Variants in SGSM3 observed in about 807,000 individuals in gnomAD.
The protein encoded by SGSM3 is RUN and SH3 containing 3.
In SGSM3, 96 loss-of-function variants were observed where a neutral mutation model predicts 100.5. That is an observed-to-expected ratio of 0.96 (90% CI 0.81 to 1.13). The LOEUF is 1.13. Among genes scored for constraint, SGSM3 ranks in the 50% most tolerant of loss-of-function variants. The pLI, the probability that SGSM3 is intolerant of heterozygous loss-of-function variation, is 0.00. For synonymous variants in SGSM3, 483 were observed against 422.8 expected, an observed-to-expected ratio of 1.14 and a Z score of -1.75; for missense variants, 1,001 against 1,015.8, an observed-to-expected ratio of 0.99 and a Z score of 0.20.
chr22:40,375,591 AAAG>A (rs1159402399), intron 1 of SGSM3, among the ~76,000 whole-genome samples: 1 of 152,038 alleles, frequency 6.6e-6, no homozygotes, highest in African/African-American at 2.4e-5. Context: ...AAAAAAAAAA[AAAG>A]AGATTGACAC....
chr22:40,407,982 C>G lies in SGSM3; in HGVS notation c.1580-89C>G. 1 of 1,494,752 alleles carries G rather than the reference C, an allele frequency of 6.7e-7. No individual in the cohort carries two copies. The highest frequency in any genetic ancestry group is 9.2e-7 in the Non-Finnish European group (1 of 1,089,574). The allele number at this position is 1,494,752 out of a possible 1,614,324, so 92.6% of individuals were successfully genotyped here. ...GAGGTCCCTGAAGCAGCTGAGCCGG[C>G]TTCCCACTGCCTCAGCCTGCCTGCA... On this transcript the variant is annotated intron_variant, in intron 14 of 21. Transcript: ENST00000248929. This position sits in a 1 kb window ranked among gnomAD's most constrained non-coding sequence, Gnocchi z 4.7.
chr22:40,380,421 C>T, intron 1 of SGSM3, among the ~76,000 whole-genome samples: 1 of 147,272 alleles, frequency 6.8e-6, no homozygotes. Context: ...GGCTGGAGTG[C>T]AGTGGCACTA....
chr22:40,401,729 G>C (rs2050787137), intron 3 of SGSM3, 54 bp downstream of exon 3: 1 of 1,495,656 alleles, frequency 6.7e-7, no homozygotes, highest in South Asian at 1.1e-5. Context: ...GTGGTATGAA[G>C]GGGACCCAGC....
In SGSM3 at chr22:40,398,990, C is replaced by CT. The variant is rs554010528; in HGVS notation, c.-111-1695dup. ...TAGGATTGGACTGGAGATGTCTTTA[C>CT]TTTTTTTTTTTGAGACAGAGTCTCA... On this transcript the variant is annotated intron_variant, in intron 1 of 21. Coordinates refer to ENST00000248929, the MANE Select transcript of SGSM3 (RefSeq NM_015705.6). Among the ~76,000 whole-genome samples the CT allele has an allele frequency of 1.2e-3, 160 of 132,474 alleles. 12 individuals carry two copies. Among genetic ancestry groups the CT allele is most frequent in the South Asian group, 5.8e-3 (25 of 4,274 alleles). 86.9% of individuals were successfully genotyped at this position (132,474 alleles called of 152,430 possible).
chr22:40,409,814 A>AAGCTGCAGAGCCCAGGGAAGAGC lies in SGSM3; in HGVS notation c.*60_*82dup, dbSNP rs2052351350. Reference sequence around the variant, plus strand: ...TGCGTCTGAGGTGGCCCAGGACCCCAAGCTGCAGAGCCCAGGGAAGAGCAG... The same window carrying AAGCTGCAGAGCCCAGGGAAGAGC: ...TGCGTCTGAGGTGGCCCAGGACCCCAAGCTGCAGAGCCCAGGGAAGAGCAGCTGCAGAGCCCAGGGAAGAGCAG... On this transcript the variant is annotated 3_prime_UTR_variant, in exon 22 of 22. Transcript: ENST00000248929. The AAGCTGCAGAGCCCAGGGAAGAGC allele has an allele frequency of 2.2e-5, 34 of 1,576,450 alleles. 3 individuals carry two copies. In the Middle Eastern group the frequency reaches 3.0e-3, roughly 140 times the overall value.
chr22:40,379,223 A>G (rs761427798), intron 1 of SGSM3: 1 of 152,344 alleles, frequency 6.6e-6, no homozygotes, highest in South Asian at 2.1e-4. Context: ...CACTTAAAAC[A>G]GTGCCTGGTA....
intron 6 of SGSM3, among the ~76,000 whole-genome samples, 189 bp downstream of exon 6, chr22:40,404,853 G>A (rs193276466): frequency 6.6e-6 from 1 of 152,326 alleles, no homozygotes; most frequent in East Asian, 1.9e-4. Flanking sequence ...GAAGGGCTTG[G>A]AGATGGGGTT....
intron 1 of SGSM3, among the ~76,000 whole-genome samples, chr22:40,380,868 G>A (rs1174406053): frequency 3.9e-5 from 6 of 152,044 alleles, no homozygotes; most frequent in Admixed American, 6.6e-5. Context: ...CTGGGAGGTC[G>A]AGGCTGCAGT....
rs145295685 is a variant in SGSM3, at chr22:40,378,658, G to A, written c.-112+7970G>A. Among the ~76,000 whole-genome samples, 145 of 151,540 alleles carry A rather than the reference G, an allele frequency of 9.6e-4. 2 individuals carry two copies. In the East Asian group the frequency reaches 0.018, roughly 19 times the overall value. On this transcript the variant is annotated intron_variant, in intron 1 of 21. Coordinates refer to ENST00000248929, the MANE Select transcript of SGSM3 (RefSeq NM_015705.6). Reference sequence around the variant, plus strand: ...GAGGCAGAAGAGGAACCCAGGAGGCGGAGGTTGCAGTGAGCTGAGATCACA... The same window carrying A: ...GAGGCAGAAGAGGAACCCAGGAGGCAGAGGTTGCAGTGAGCTGAGATCACA...
chr22:40,391,392 G>A (rs2049344104), intron 1 of SGSM3, among the ~76,000 whole-genome samples: 1 of 152,152 alleles, frequency 6.6e-6, no homozygotes, highest in Non-Finnish European at 1.5e-5. Flanking sequence ...AGGATGCCTT[G>A]AGCCCAGGAG....
At chr22:40,388,580 G>A (rs1267933846) in intron 1 of SGSM3, among the ~76,000 whole-genome samples, 1 of 152,112 alleles carries the variant, frequency 6.6e-6, no homozygotes, top group Non-Finnish European at 1.5e-5. Flanking sequence ...TTTAAAGATG[G>A]GAGGGAAATG....
At chr22:40,404,861 G>T (rs1188697026) in intron 6 of SGSM3, among the ~76,000 whole-genome samples, 197 bp downstream of exon 6, 2 of 152,196 alleles carry the variant, frequency 1.3e-5, no homozygotes, top group African/African-American at 4.8e-5. Flanking sequence ...TGGAGATGGG[G>T]TTCCCAAGCC....
intron 20 of SGSM3, 28 bp downstream of exon 20, chr22:40,409,400 G>GGAGGTGGGGTGGGAAGGGC (rs1476862141): frequency 6.3e-7 from 1 of 1,579,358 alleles, no homozygotes; most frequent in Non-Finnish European, 8.6e-7. Context: ...CTTGGGGGAT[G>GGAGGTGGGGTGGGAAGGGC]GAGGTGGGGT....
In SGSM3 at chr22:40,408,994, G is replaced by A. The variant is rs763175054; in HGVS notation, c.1964G>A (p.Arg655His). 56 of 1,578,912 alleles carry A rather than the reference G, an allele frequency of 3.5e-5. No individual in the cohort carries two copies. Among genetic ancestry groups the A allele is most frequent in the Admixed American group, 5.6e-5 (3 of 53,392 alleles). ...CATGCACAAATGGATGTGAAGCTCC[G>A]CTCACTGATCTGCGTGGGGCTCAAG... ...AVHAQMDVKLRSLICVGLNEQ... is the reference protein window; with the variant it reads ...AVHAQMDVKLHSLICVGLNEQ... Residue 655 changes from arginine to histidine, a missense_variant, in exon 19 of 22, where the codon CGC becomes CAC. Transcript: ENST00000248929.
chr22:40,409,245 C>T lies in SGSM3; in HGVS notation c.1989-5C>T, dbSNP rs775663998. Reference sequence around the variant, plus strand: ...CCTGCTCCCCACTCCTGGCCATGTCCCCAGTGAGCAGGTGCTGCACCTGTG... The same window carrying T: ...CCTGCTCCCCACTCCTGGCCATGTCTCCAGTGAGCAGGTGCTGCACCTGTG... On this transcript the variant is annotated splice_region_variant and splice_polypyrimidine_tract_variant and intron_variant, in intron 19 of 21. Transcript: ENST00000248929. The T allele has an allele frequency of 6.3e-7, 1 of 1,599,362 alleles. No homozygotes were observed. Among genetic ancestry groups the T allele is most frequent in the South Asian group, 1.1e-5 (1 of 89,728 alleles).
chr22:40,378,601 C>T (rs930408191), intron 1 of SGSM3, among the ~76,000 whole-genome samples: 3 of 151,676 alleles, frequency 2.0e-5, no homozygotes, highest in East Asian at 1.9e-4. Flanking sequence ...GGTGTGGTGG[C>T]GCATGCCTGT....
chr22:40,386,175 TC>T (rs1435097043), intron 1 of SGSM3, among the ~76,000 whole-genome samples: 1 of 152,094 alleles, frequency 6.6e-6, no homozygotes, highest in Non-Finnish European at 1.5e-5. Context: ...CCACCACCTC[TC>T]CCAGCCAAGA....
intron 19 of SGSM3, 91 bp downstream of exon 19, chr22:40,409,109 C>CAA: frequency 6.4e-7 from 1 of 1,550,730 alleles, no homozygotes; most frequent in Non-Finnish European, 8.7e-7. Context: ...CCCTAAAGGA[C>CAA]AAAGAACCTC....
Position 40,407,632 on chromosome 22 carries a change from C to T in SGSM3, c.1524+64C>T. 2.5e-6 allele frequency: 4 copies of T among 1,578,488 alleles called. No homozygotes were observed. Among genetic ancestry groups the T allele is most frequent in the Admixed American group, 3.4e-5 (2 of 58,028 alleles). On this transcript the variant is annotated intron_variant, in intron 13 of 21. Coordinates refer to ENST00000248929, the MANE Select transcript of SGSM3 (RefSeq NM_015705.6). This position sits in a 1 kb window ranked among gnomAD's most constrained non-coding sequence, Gnocchi z 4.7. ...GGCGGGTTCCCCAGACTCCCTCCAC[C>T]AAGCCCCACCCCAACCCCTTTCCCT...
Sources: allele counts gnomAD v4.1 joint callset (sites outside exome capture counted in the v4.1 genomes callset), GRCh38; gene constraint gnomAD v4.1.1; non-coding constraint Gnocchi (gnomAD v3.1); transcripts MANE v1.5; gene names NCBI Gene and HGNC (gene_info 2026-07-23, HGNC 2026-07-21).